The following INPP4B variants were observed in gnomAD, a reference collection of about 807,000 sequenced individuals.
INPP4B encodes inositol polyphosphate 4-phosphatase type II.
In INPP4B, 55 loss-of-function variants were observed where a neutral mutation model predicts 122.5. That is an observed-to-expected ratio of 0.45 (90% CI 0.36 to 0.56). INPP4B has a LOEUF of 0.56. INPP4B is among the 20% of genes least tolerant of loss of function. The pLI, the probability that INPP4B is intolerant of heterozygous loss-of-function variation, is 0.00. For synonymous variants in INPP4B, 403 were observed against 388.7 expected, an observed-to-expected ratio of 1.04 and a Z score of -0.43; for missense variants, 1,000 against 1,097.7, an observed-to-expected ratio of 0.91 and a Z score of 1.26.
intron 17 of INPP4B, among the ~76,000 whole-genome samples, chr4:142,148,913 C>G (rs1812256362): frequency 6.6e-6 from 1 of 152,210 alleles, no homozygotes; most frequent in Non-Finnish European, 1.5e-5. Context: ...TGAGCAGTCT[C>G]TTCTGTGTTA....
At position 142,421,782 on chromosome 4, in the gene INPP4B, G is replaced by T. The variant is rs12641688; in HGVS notation, c.136+7391C>A. Among the ~76,000 whole-genome samples the T allele has an allele frequency of 5.9e-5, 9 of 152,172 alleles. No individual in the cohort carries two copies. The East Asian group carries it at 1.7e-3, about 29-fold the overall frequency. On this transcript the variant is annotated intron_variant, in intron 5 of 25. Coordinates refer to ENST00000262992, the MANE Select transcript of INPP4B (RefSeq NM_001101669.3). ...TTGGTCCAAATGCCTCTTCCTCTGA[G>T]ATGCTGTTTTTGATGCCATTGTTAC...
rs539724003 is a variant in INPP4B, at chr4:142,745,216, A to T, written c.-253-19315T>A. On this transcript the variant is annotated intron_variant, in intron 1 of 25. Coordinates refer to ENST00000262992, the MANE Select transcript of INPP4B (RefSeq NM_001101669.3). ...TAAAGTAAATAAAATAGAATATTTTAAAAATATCCAATTAGCCCAAAATAG... is the reference window on the plus strand; with the variant it reads ...TAAAGTAAATAAAATAGAATATTTTTAAAATATCCAATTAGCCCAAAATAG... Among the ~76,000 whole-genome samples the T allele has an allele frequency of 5.7e-4, 86 of 152,028 alleles. No individual in the cohort carries two copies. In the East Asian group the frequency reaches 5.8e-3, roughly 10 times the overall value.
At chr4:142,130,748 T>A (rs552968148) in intron 18 of INPP4B, among the ~76,000 whole-genome samples, 28 of 152,244 alleles carry the variant, frequency 1.8e-4, no homozygotes, top group African/African-American at 6.0e-4. Flanking sequence ...AAATGACTGA[T>A]CTTAGCACCT....
intron 1 of INPP4B, among the ~76,000 whole-genome samples, chr4:142,822,924 T>C (rs1177785146): frequency 6.6e-6 from 1 of 152,204 alleles, no homozygotes; most frequent in Non-Finnish European, 1.5e-5. Context: ...TCACTATACA[T>C]GTTTCTCATG....
intron 11 of INPP4B, among the ~76,000 whole-genome samples, chr4:142,239,928 T>TA (rs1858472435): frequency 6.6e-6 from 1 of 152,132 alleles, no homozygotes; most frequent in South Asian, 2.1e-4. Flanking sequence ...AAAGCAAGGT[T>TA]AAAAATCCTT....
chr4:142,184,848 A>G (rs1223581470), intron 15 of INPP4B, among the ~76,000 whole-genome samples: 1 of 152,172 alleles, frequency 6.6e-6, no homozygotes, highest in African/African-American at 2.4e-5. Context: ...ATGGTGCAAG[A>G]TGAAGCTGGA....
At chr4:142,741,114 G>A (rs1291215484) in intron 1 of INPP4B, among the ~76,000 whole-genome samples, 8 of 151,972 alleles carry the variant, frequency 5.3e-5, no homozygotes, top group Non-Finnish European at 1.2e-4. Context: ...AAATCCCTAA[G>A]AGTATAAAAA....
At chr4:142,744,769 TAAAA>T in intron 1 of INPP4B, among the ~76,000 whole-genome samples, 1 of 151,566 alleles carries the variant, frequency 6.6e-6, no homozygotes. Flanking sequence ...AAATGTTAAA[TAAAA>T]AAGGGAAAAA....
intron 12 of INPP4B, among the ~76,000 whole-genome samples, chr4:142,227,856 TA>T (rs60375355): frequency 5.3e-4 from 18 of 34,228 alleles, no homozygotes; most frequent in Admixed American, 1.1e-3. Context: ...AGACTCTATC[TA>T]AAAAAAAAAA....
intron 12 of INPP4B, among the ~76,000 whole-genome samples, chr4:142,225,554 G>GTA: frequency 6.7e-6 from 1 of 148,734 alleles, no homozygotes; most frequent in South Asian, 2.1e-4. Context: ...ATATAAATAT[G>GTA]TATATATATT....
chr4:142,828,484 A>G (rs183845135), intron 1 of INPP4B, among the ~76,000 whole-genome samples: 1 of 152,338 alleles, frequency 6.6e-6, no homozygotes, highest in Non-Finnish European at 1.5e-5. Context: ...CTTTTACATG[A>G]GTCCAAGGTT....
At chr4:142,223,539 A>T (rs761028035) in intron 12 of INPP4B, among the ~76,000 whole-genome samples, 7 of 152,114 alleles carry the variant, frequency 4.6e-5, no homozygotes, top group Non-Finnish European at 8.8e-5. Flanking sequence ...TCCTGTGGGG[A>T]TATTTTAATA....
At chr4:142,601,454 AT>A (rs1177793742) in intron 2 of INPP4B, among the ~76,000 whole-genome samples, 6 of 152,036 alleles carry the variant, frequency 3.9e-5, no homozygotes, top group African/African-American at 1.4e-4. Context: ...CTGAACAACT[AT>A]TGGGGCAATA....
At chr4:142,760,715 G>A (rs1020739695) in intron 1 of INPP4B, among the ~76,000 whole-genome samples, 3 of 151,922 alleles carry the variant, frequency 2.0e-5, no homozygotes, top group Admixed American at 2.0e-4. Context: ...ACTGAAAATT[G>A]GACTTTTTAT....
chr4:142,101,534 C>T (rs1054485394), intron 23 of INPP4B, among the ~76,000 whole-genome samples: 7 of 152,098 alleles, frequency 4.6e-5, no homozygotes, highest in Non-Finnish European at 7.4e-5. Flanking sequence ...TACAAGGTAT[C>T]TGTTAACATG....
intron 25 of INPP4B, among the ~76,000 whole-genome samples, chr4:142,064,721 G>C (rs933215711): frequency 6.6e-6 from 1 of 151,788 alleles, no homozygotes; most frequent in Admixed American, 6.6e-5. Flanking sequence ...AAAATCTTTA[G>C]CACAAAATCA....
At chr4:142,736,336 C>T (rs1766889136) in intron 1 of INPP4B, among the ~76,000 whole-genome samples, 1 of 152,098 alleles carries the variant, frequency 6.6e-6, no homozygotes, top group Non-Finnish European at 1.5e-5. Flanking sequence ...TTTTTTACCA[C>T]TAAGTGTTCT....
At chr4:142,725,962 T>G (rs1765300790) in intron 1 of INPP4B, 61 bp from the exon 2 acceptor site, 6 of 396,678 alleles carry the variant, frequency 1.5e-5, no homozygotes, top group Non-Finnish European at 2.7e-5. Flanking sequence ...CTTTAAATGC[T>G]TCTTAAAGAA....
At chr4:142,328,817 A>C (rs80211578) in intron 7 of INPP4B, among the ~76,000 whole-genome samples, 1 of 152,306 alleles carries the variant, frequency 6.6e-6, no homozygotes, top group Non-Finnish European at 1.5e-5. Flanking sequence ...ATTCTTGATA[A>C]TTTTTAAGAA....
Sources: allele counts gnomAD v4.1 joint callset (sites outside exome capture counted in the v4.1 genomes callset), GRCh38; gene constraint gnomAD v4.1.1; transcripts MANE v1.5; gene names NCBI Gene and HGNC (gene_info 2026-07-23, HGNC 2026-07-21).